MYL1: variants seen among roughly 807,000 people sequenced by gnomAD.
MYL1 encodes myosin light chain 1.
A neutral mutation model predicts 21.8 loss-of-function variants in MYL1; 16 were observed. That is an observed-to-expected ratio of 0.74 (90% CI 0.50 to 1.12). The LOEUF is 1.12. Among genes scored for constraint, MYL1 ranks in the 50% most tolerant of loss-of-function variants. The probability of loss-of-function intolerance (pLI) is 0.00; values close to 1 mark genes in which losing one functional copy is unlikely to be tolerated. For synonymous variants in MYL1, 99 were observed against 85.2 expected (o/e 1.16, Z -0.89); for missense variants, 246 against 241.0 (o/e 1.02, Z -0.14).
chr2:210,291,008 A>G (rs764768175), intron 6 of MYL1, 24 bp downstream of exon 6: 17 of 1,514,530 alleles, frequency 1.1e-5, no homozygotes, highest in Non-Finnish European at 1.5e-5. Context: ...ATCCTTAAAT[A>G]TTAAAGAGGG....
rs1690052511 is a variant in MYL1 at position 210,290,169 on chromosome 2, GT to G, written c.*312del. On this transcript the variant is annotated 3_prime_UTR_variant, in exon 7 of 7. Transcript: ENST00000352451. The stretch of plus-strand genomic sequence containing the variant: ...TGAACATTCCAGACTGACCAAAATT[GT>G]TTATTGATTTATTGTTTTAAGAATG... 2 of 152,162 alleles carry G rather than the reference GT, an allele frequency of 1.3e-5. No homozygotes were observed. The highest frequency in any genetic ancestry group is 2.4e-5 in the African/African-American group (1 of 41,536). The allele number at this position is 152,162 out of a possible 1,614,324, so 9.4% of individuals were successfully genotyped here.
intron 1 of MYL1, among the ~76,000 whole-genome samples, chr2:210,313,577 A>T (rs1690447495): frequency 6.6e-6 from 1 of 152,056 alleles, no homozygotes; most frequent in African/African-American, 2.4e-5. Context: ...ATGGATATCC[A>T]TTAAGAATAG....
At chr2:210,297,514 C>T (rs1413025947) in intron 3 of MYL1, among the ~76,000 whole-genome samples, 4 of 144,320 alleles carry the variant, frequency 2.8e-5, no homozygotes, top group East Asian at 2.0e-4. Context: ...TTGGATTATT[C>T]GTGGGTTTTT....
intron 1 of MYL1, among the ~76,000 whole-genome samples, chr2:210,309,291 C>T (rs1209822054): frequency 3.8e-5 from 3 of 79,272 alleles, no homozygotes; most frequent in Non-Finnish European, 8.3e-5. Flanking sequence ...AACATAACTT[C>T]ATAACACCAT....
chr2:210,298,339 TACACACACAC>T (rs112894708), intron 3 of MYL1, 71 bp downstream of exon 3: 10 of 1,187,708 alleles, frequency 8.4e-6, no homozygotes, highest in African/African-American at 4.5e-5. Flanking sequence ...ACACACATAC[TACACACACAC>T]ACACACACAC....
chr2:210,308,489 G>A (rs1431764262), intron 1 of MYL1, among the ~76,000 whole-genome samples: 1 of 140,304 alleles, frequency 7.1e-6, no homozygotes, highest in Non-Finnish European at 1.5e-5. Flanking sequence ...AGAGTATTGA[G>A]AATATGGTAC....
intron 4 of MYL1, 37 bp downstream of exon 4, chr2:210,294,208 T>A: frequency 6.4e-7 from 1 of 1,559,080 alleles, no homozygotes; most frequent in Non-Finnish European, 8.7e-7. Flanking sequence ...TTCTATATAT[T>A]CTGTCTCACT....
intron 1 of MYL1, among the ~76,000 whole-genome samples, chr2:210,307,025 A>G (rs1418757210): frequency 3.9e-5 from 6 of 152,176 alleles, no homozygotes; most frequent in African/African-American, 1.4e-4. Context: ...TCTCTCTGGA[A>G]TGCTCTCCTC....
chr2:210,303,398 C>G (rs568243077), intron 1 of MYL1: 2 of 625,750 alleles, frequency 3.2e-6, no homozygotes, highest in South Asian at 6.2e-5. Flanking sequence ...TGGATCTCAA[C>G]AAAACCCAAA....
intron 1 of MYL1, among the ~76,000 whole-genome samples, chr2:210,305,685 G>A (rs1690332066): frequency 6.6e-6 from 1 of 151,800 alleles, no homozygotes; most frequent in Non-Finnish European, 1.5e-5. Context: ...ATTTTTTTCA[G>A]GTAAAAAAGT....
chr2:210,306,679 CAT>C (rs1487626473), intron 1 of MYL1, among the ~76,000 whole-genome samples: 4 of 150,392 alleles, frequency 2.7e-5, no homozygotes, highest in Non-Finnish European at 5.9e-5. Flanking sequence ...ATTCTGTGCT[CAT>C]AGAATAAATG....
intron 1 of MYL1, among the ~76,000 whole-genome samples, chr2:210,307,918 G>A (rs1043139120): frequency 1.3e-5 from 2 of 152,112 alleles, no homozygotes; most frequent in Non-Finnish European, 2.9e-5. Context: ...TTAAAACGCT[G>A]TTAATCAAAC....
intron 3 of MYL1, among the ~76,000 whole-genome samples, chr2:210,297,613 T>A (rs1028810371): frequency 6.6e-6 from 1 of 152,060 alleles, no homozygotes; most frequent in Non-Finnish European, 1.5e-5. Context: ...TTGTTTGTTT[T>A]GAGTATCATT....
At chr2:210,290,702 G>C (rs1046456559) in intron 6 of MYL1, among the ~76,000 whole-genome samples, 2 of 152,052 alleles carry the variant, frequency 1.3e-5, no homozygotes, top group Non-Finnish European at 2.9e-5. Context: ...TCCAAAAAAC[G>C]TTTGCCTGTG....
chr2:210,308,682 G>A (rs1162037289), intron 1 of MYL1, among the ~76,000 whole-genome samples: 1 of 151,568 alleles, frequency 6.6e-6, no homozygotes, highest in Admixed American at 6.6e-5. Flanking sequence ...ACTAAGAGAG[G>A]TCTAAGTGAA....
At chr2:210,305,479 C>T (rs1575706142) in intron 1 of MYL1, among the ~76,000 whole-genome samples, 1 of 152,014 alleles carries the variant, frequency 6.6e-6, no homozygotes, top group African/African-American at 2.4e-5. Flanking sequence ...TAAATGAAAG[C>T]ATCAGAGCCT....
chr2:210,294,211 G>C, intron 4 of MYL1, 34 bp downstream of exon 4: 1 of 1,564,376 alleles, frequency 6.4e-7, no homozygotes, highest in Non-Finnish European at 8.7e-7. Flanking sequence ...TATATATTCT[G>C]TCTCACTAAG....
chr2:210,293,347 A>G (rs1023264263), intron 5 of MYL1, among the ~76,000 whole-genome samples: 1 of 152,152 alleles, frequency 6.6e-6, no homozygotes, highest in Admixed American at 6.5e-5. Context: ...AAGTAACTAA[A>G]CCTATTTGGC....
intron 1 of MYL1, among the ~76,000 whole-genome samples, chr2:210,313,056 G>C (rs1690440335): frequency 6.6e-6 from 1 of 151,846 alleles, no homozygotes; most frequent in South Asian, 2.1e-4. Context: ...CTATGAACAA[G>C]TAATTGGCTT....
Sources: gnomAD v4.1 joint callset for allele counts (sites outside exome capture counted in the v4.1 genomes callset) on GRCh38, gnomAD v4.1.1 for gene constraint, MANE v1.5 for transcripts, NCBI Gene and HGNC (gene_info 2026-07-23, HGNC 2026-07-21) for gene names.